GPHN: variants seen among roughly 807,000 people sequenced by gnomAD.
GPHN encodes the protein gephyrin.
Under a neutral mutation model 95.5 loss-of-function variants are expected in GPHN, and 17 were observed. That is an observed-to-expected ratio of 0.18 (90% confidence interval 0.12 to 0.27). The LOEUF is 0.27. Ranked by LOEUF, GPHN falls within the 10% of genes least tolerant of loss-of-function variation. GPHN has a pLI of 1.00. For synonymous variants in GPHN, 320 were observed against 322.5 expected (o/e 0.99, Z 0.08); for missense variants, 660 against 978.1 (o/e 0.67, Z 4.34).
intron 1 of GPHN, among the ~76,000 whole-genome samples, chr14:66,523,486 T>C (rs1470874240): frequency 6.6e-6 from 1 of 152,118 alleles, no homozygotes; most frequent in East Asian, 1.9e-4. Flanking sequence ...ATAAAGCTGT[T>C]GTAAAATAAG....
At chr14:67,326,770 G>A in the GPHN span, among the ~76,000 whole-genome samples, 1 of 152,192 alleles carries the variant, frequency 6.6e-6, no homozygotes, top group Non-Finnish European at 1.5e-5. Flanking sequence ...ATGTTTTTGA[G>A]ATTGATCTGT....
chr14:66,721,605 G>A (rs2070744392), intron 2 of GPHN, among the ~76,000 whole-genome samples: 1 of 151,986 alleles, frequency 6.6e-6, no homozygotes, highest in Non-Finnish European at 1.5e-5. Flanking sequence ...TATTTTCCAG[G>A]AACCCTCTGG....
intron 1 of GPHN, among the ~76,000 whole-genome samples, chr14:66,540,663 C>G (rs1179274630): frequency 1.3e-5 from 2 of 152,224 alleles, no homozygotes; most frequent in African/African-American, 4.8e-5. Flanking sequence ...TAGCCATATA[C>G]TCAGAAGAAC....
chr14:67,009,424 A>T (rs1567207983), intron 9 of GPHN, among the ~76,000 whole-genome samples: 1 of 152,124 alleles, frequency 6.6e-6, no homozygotes, highest in African/African-American at 2.4e-5. Flanking sequence ...AATTTTATGC[A>T]TCATATAATG....
the GPHN span, chr14:67,575,942 C>G: frequency 2.5e-6 from 4 of 1,613,938 alleles, no homozygotes; most frequent in Non-Finnish European, 3.4e-6. Context: ...CCCACTGCAC[C>G]CTGGTGATCC....
At chr14:66,910,678 A>G (rs1468653472) in intron 5 of GPHN, among the ~76,000 whole-genome samples, 1 of 152,056 alleles carries the variant, frequency 6.6e-6, no homozygotes, top group Non-Finnish European at 1.5e-5. Context: ...GCATATATGC[A>G]TATATATCTA....
intron 8 of GPHN, among the ~76,000 whole-genome samples, chr14:66,947,920 A>C (rs1367865508): frequency 6.6e-6 from 1 of 152,224 alleles, no homozygotes; most frequent in Non-Finnish European, 1.5e-5. Flanking sequence ...ACACCAATGG[A>C]TCTCCAATCT....
the GPHN span, among the ~76,000 whole-genome samples, chr14:67,315,149 A>G: frequency 1.3e-5 from 2 of 152,106 alleles, no homozygotes; most frequent in South Asian, 2.1e-4. Flanking sequence ...AGAATAGCCT[A>G]TAGTTCATAC....
chr14:67,103,062 G>A (rs911838852), intron 13 of GPHN, among the ~76,000 whole-genome samples: 16 of 152,028 alleles, frequency 1.1e-4, no homozygotes, highest in Admixed American at 2.0e-4. Flanking sequence ...AGGGGAGGGA[G>A]GTTGTTCTTG....
At chr14:67,078,402 A>T (rs2076575273) in intron 11 of GPHN, among the ~76,000 whole-genome samples, 1 of 152,128 alleles carries the variant, frequency 6.6e-6, no homozygotes. Flanking sequence ...ACCAAATGCT[A>T]AACTTAAAAC....
intron 8 of GPHN, among the ~76,000 whole-genome samples, chr14:66,958,227 A>G (rs1035881207): frequency 1.4e-4 from 22 of 152,172 alleles, no homozygotes; most frequent in African/African-American, 5.1e-4. Context: ...TTATCATTAT[A>G]TAATGTCTTT....
chr14:66,916,830 C>T (rs911012897), intron 6 of GPHN, among the ~76,000 whole-genome samples: 3 of 152,214 alleles, frequency 2.0e-5, no homozygotes, highest in African/African-American at 7.2e-5. Flanking sequence ...CAAGCTACCC[C>T]CTGGCCTTTG....
At chr14:67,352,382 G>A in the GPHN span, among the ~76,000 whole-genome samples, 2 of 148,000 alleles carry the variant, frequency 1.4e-5, no homozygotes, top group African/African-American at 5.0e-5. Context: ...GAGGTGGGAG[G>A]ATCACTGGAG....
At chr14:67,168,903 A>C in intron 20 of GPHN, 30 bp from the exon 21 acceptor site, 1 of 1,344,354 alleles carries the variant, frequency 7.4e-7, no homozygotes, top group South Asian at 1.2e-5. Context: ...TACACAGTGT[A>C]TTATAAATAA....
the GPHN span, among the ~76,000 whole-genome samples, chr14:67,296,209 A>G: frequency 1.3e-5 from 2 of 152,162 alleles, no homozygotes; most frequent in Non-Finnish European, 2.9e-5. Flanking sequence ...GAAAGAGGAA[A>G]AGGCATTCCA....
intron 1 of GPHN, among the ~76,000 whole-genome samples, chr14:66,582,639 G>C (rs1314463525): frequency 2.6e-5 from 4 of 151,840 alleles, no homozygotes; most frequent in Admixed American, 6.6e-5. Context: ...GCAGTGTTTG[G>C]TTTTTTGTCC....
chr14:67,476,277 G>T, the GPHN span, among the ~76,000 whole-genome samples: 3 of 152,186 alleles, frequency 2.0e-5, no homozygotes, highest in African/African-American at 7.2e-5. Context: ...TTCGCATTTT[G>T]TCATGGTTCT....
At chr14:67,362,070 G>A in the GPHN span, among the ~76,000 whole-genome samples, 3 of 145,818 alleles carry the variant, frequency 2.1e-5, no homozygotes, top group Admixed American at 2.1e-4. Flanking sequence ...TGCCCAGGCT[G>A]GAGTGTAGTG....
chr14:66,691,189 T>TA (rs2067752831), intron 2 of GPHN, among the ~76,000 whole-genome samples: 2 of 151,888 alleles, frequency 1.3e-5, no homozygotes, highest in African/African-American at 2.4e-5. Context: ...AATTTTTATT[T>TA]TTTTTTTTTA....
Sources: gnomAD v4.1 joint callset for allele counts (sites outside exome capture counted in the v4.1 genomes callset) on GRCh38, gnomAD v4.1.1 for gene constraint, MANE v1.5 for transcripts, NCBI Gene and HGNC (gene_info 2026-07-23, HGNC 2026-07-21) for gene names.